Variants in ADAMTS13 observed in about 807,000 individuals in gnomAD.
The protein encoded by ADAMTS13 is A disintegrin and metalloproteinase with thrombospondin motifs 13.
In ADAMTS13, 110 loss-of-function variants were observed where a neutral mutation model predicts 155.1. The ratio of observed to expected loss-of-function variants is 0.71; its 90% CI spans 0.61 to 0.83. ADAMTS13 has a LOEUF of 0.83. Ranked by LOEUF, ADAMTS13 falls within the 40% of genes least tolerant of loss-of-function variation. ADAMTS13 has a pLI of 0.00. For missense variants in ADAMTS13, 1,707 were observed against 1,891.7 expected (o/e 0.90, Z 1.81); for synonymous variants, 758 against 756.4 (o/e 1.00, Z -0.03).
At position 133,440,571 on chromosome 9, in the gene ADAMTS13, G is replaced by A. The variant is rs190583647; in HGVS notation, c.1968+46G>A. 35 of 1,525,228 alleles carry A rather than the reference G, an allele frequency of 2.3e-5. No homozygotes were observed. Among genetic ancestry groups the A allele is most frequent in the Non-Finnish European group, 3.1e-5 (35 of 1,132,688 alleles). The allele number at this position is 1,525,228 out of a possible 1,614,324, so 94.5% of individuals were successfully genotyped here. A position where few individuals can be genotyped will look rare whatever the true frequency, so the allele number is the denominator to read the frequency against. ...GAGGCCAGTGGGGGCTTCTTCTTGG[G>A]GGCTATGGCTGCTTGCTCGTTTGTC... On this transcript the variant is annotated intron_variant, in intron 16 of 28. Coordinates refer to ENST00000355699, the MANE Select transcript of ADAMTS13 (RefSeq NM_139027.6). This position sits in a 1 kb window ranked among gnomAD's most constrained non-coding sequence, Gnocchi z 4.3.
chr9:133,416,092 A>G (rs1839580738), intron 1 of ADAMTS13, among the ~76,000 whole-genome samples: 2 of 152,226 alleles, frequency 1.3e-5, no homozygotes. Context: ...TGCAGGTTGT[A>G]CAAGAAGCAT....
At chr9:133,457,875 G>A (rs942887511) in intron 27 of ADAMTS13, 35 bp from the exon 28 acceptor site, 5 of 1,613,360 alleles carry the variant, frequency 3.1e-6, no homozygotes, top group Non-Finnish European at 4.2e-6. Flanking sequence ...CCACCGGTCT[G>A]TCTGGGTTCC....
chr9:133,445,352 G>A lies in ADAMTS13; in HGVS notation c.2610+300G>A, dbSNP rs1278334936. Among the ~76,000 whole-genome samples the A allele has an allele frequency of 4.6e-5, 7 of 152,190 alleles. No homozygotes were observed. The highest frequency in any genetic ancestry group is 9.6e-5 in the African/African-American group (4 of 41,458). ...CCCGCCTGGCGTCCAGGGGCTGGAG[G>A]CTGACTGGCCTTGCTCTCTGGCCTG... is the stretch of plus-strand genomic sequence containing the variant. On this transcript the variant is annotated intron_variant, in intron 20 of 28. Transcript: ENST00000355699. The surrounding 1 kb of genome is among the most constrained non-coding windows in gnomAD (Gnocchi z 5.0).
At chr9:133,451,099 C>A (rs1279805864) in intron 23 of ADAMTS13, among the ~76,000 whole-genome samples, 2 of 152,182 alleles carry the variant, frequency 1.3e-5, no homozygotes, top group African/African-American at 4.8e-5. Context: ...ATTTACAATT[C>A]TTTAATGGTT....
chr9:133,432,560 C>A, intron 8 of ADAMTS13, 28 bp from the exon 9 acceptor site: 1 of 1,542,512 alleles, frequency 6.5e-7, no homozygotes. Flanking sequence ...GGCCCCTGAG[C>A]TCGCCACCCA....
At chr9:133,422,325 C>T, upstream of ADAMTS13, 3 of 1,005,628 alleles carry the variant, frequency 3.0e-6, no homozygotes, top group South Asian at 3.9e-5. Context: ...CAAGAGTAAA[C>T]ACTGCCTAAT....
chr9:133,442,736 C>T lies in ADAMTS13; in HGVS notation c.2227C>T (p.Pro743Ser), dbSNP rs782671915. 6.2e-7 allele frequency: 1 copy of T among 1,612,574 alleles called. No individual in the cohort carries two copies. Among genetic ancestry groups the T allele is most frequent in the South Asian group, 1.1e-5 (1 of 91,074 alleles). The change falls in exon 18 of 29, where the codon CCT becomes TCT. Residue 743 changes from proline to serine, a missense_variant. Transcript: ENST00000355699. ...WPEACVLEPC[P>S]PYWAVGDFGP... ...AGAGGCCTGCGTGCTCGAACCCTGC[C>T]CTCCCTAGTGAGTGTGGTGCTGTCT...
Position 133,442,533 on chromosome 9 carries a change from A to C in ADAMTS13, c.2103A>C (p.Ala701=). The C allele has an allele frequency of 6.2e-7, 1 of 1,613,592 alleles. No homozygotes were observed. The highest frequency in any genetic ancestry group is 1.1e-5 in the South Asian group (1 of 91,080). Reference sequence around the variant, plus strand: ...GGCCCTGCTCGGTGAGCTGTGGGGCAGGTGAGACCTGGGGAAGGCTCATCC... The same window carrying C: ...GGCCCTGCTCGGTGAGCTGTGGGGCCGGTGAGACCTGGGGAAGGCTCATCC... ...VRGPCSVSCG[A]GLRWVNYSCL... The change falls in exon 17 of 29, where the codon GCA becomes GCC. Residue 701 remains alanine, a splice_region_variant and synonymous_variant. Transcript: ENST00000355699.
upstream of ADAMTS13, chr9:133,417,981 T>C (rs1839780809): frequency 2.6e-6 from 2 of 771,796 alleles, no homozygotes; most frequent in Non-Finnish European, 4.1e-6. Flanking sequence ...AGGAAAAGAC[T>C]CCGGAAGAGA....
intron 11 of ADAMTS13, among the ~76,000 whole-genome samples, chr9:133,436,536 T>A (rs1841231231): frequency 2.0e-5 from 3 of 152,180 alleles, no homozygotes; most frequent in Admixed American, 2.0e-4. Flanking sequence ...CCCGTCCCTG[T>A]TTTATTGAGT....
At position 133,456,330 on chromosome 9, in the gene ADAMTS13, G is replaced by A. The variant is rs1842741456; in HGVS notation, c.3547+115G>A. 2 of 1,524,956 alleles carry A rather than the reference G, an allele frequency of 1.3e-6. No homozygotes were observed. The allele number at this position is 1,524,956 out of a possible 1,614,324, so 94.5% of individuals were successfully genotyped here. A position where few individuals can be genotyped will look rare whatever the true frequency, so the allele number is the denominator to read the frequency against. On this transcript the variant is annotated intron_variant, in intron 26 of 28. Transcript: ENST00000355699. The surrounding 1 kb of genome is among the most constrained non-coding windows in gnomAD (Gnocchi z 4.4). Reference sequence around the variant, plus strand: ...CCATGTGCATTCCCACCTGTAGTTTGCATCCCATCTCATGACTGGGGAGTG... The same window carrying A: ...CCATGTGCATTCCCACCTGTAGTTTACATCCCATCTCATGACTGGGGAGTG...
chr9:133,423,258 G>T, intron 2 of ADAMTS13, 91 bp downstream of exon 2: 1 of 1,288,314 alleles, frequency 7.8e-7, no homozygotes. Flanking sequence ...GGGATTTTTG[G>T]TGGATCTGGA....
rs190996915 is a variant in ADAMTS13, at chr9:133,454,744, C to T, written c.3249+125C>T. 164 of 1,258,956 alleles carry T rather than the reference C, an allele frequency of 1.3e-4. 2 individuals are homozygous for T. In the African/African-American group the frequency reaches 1.5e-3, roughly 11 times the overall value. 78.0% of individuals were successfully genotyped at this position (1,258,956 alleles called of 1,614,324 possible). ...TCCCCTGAAAGGAAGGAGAGAGCTGCGCCCGTTGGTGAGGGGGCACCTAGA... is the reference window on the plus strand; with the variant it reads ...TCCCCTGAAAGGAAGGAGAGAGCTGTGCCCGTTGGTGAGGGGGCACCTAGA... On this transcript the variant is annotated intron_variant, in intron 24 of 28. Transcript: ENST00000355699.
At chr9:133,458,155 G>A in intron 28 of ADAMTS13, 61 bp downstream of exon 28, 1 of 1,581,476 alleles carries the variant, frequency 6.3e-7, no homozygotes, top group Non-Finnish European at 8.6e-7. Flanking sequence ...GGGCGTGCAG[G>A]GCTAGGGGAC....
chr9:133,443,443 C>G lies in ADAMTS13; in HGVS notation c.2302C>G (p.Arg768Gly). The change falls in exon 19 of 29, where the codon CGC becomes GGC. Residue 768 changes from arginine (R) to glycine (G), a missense_variant. By Grantham distance (125) the Arg-to-Gly change is moderately radical. This residue lies in a region of ADAMTS13 where 961 missense variants were observed against 1,107.9 expected (regional missense o/e 0.87). Transcript: ENST00000355699. The part of the protein sequence containing the change: ...CGGGLRERPV[R>G]CVEAQGSLLK... The stretch of plus-strand genomic sequence containing the variant: ...GGGTGGCCTGCGGGAGCGGCCAGTG[C>G]GCTGCGTGGAGGCCCAGGGCAGCCT... 1.3e-6 allele frequency: 2 copies of G among 1,594,058 alleles called. No individual in the cohort carries two copies. Among genetic ancestry groups the G allele is most frequent in the South Asian group, 2.3e-5 (2 of 88,824 alleles).
chr9:133,426,093 G>A (rs587654389), intron 5 of ADAMTS13, 31 bp downstream of exon 5: 28 of 1,613,910 alleles, frequency 1.7e-5, no homozygotes, highest in Middle Eastern at 3.3e-4. Context: ...GTGCTGGCCA[G>A]CCAGCCTGGG....
At chr9:133,455,711 C>T in intron 25 of ADAMTS13, 1 of 1,430,902 alleles carries the variant, frequency 7.0e-7, no homozygotes, top group Non-Finnish European at 9.7e-7. Context: ...GGGTTGTGTG[C>T]CTGGGAGGCC....
chr9:133,435,502 T>A (rs1253826819), intron 11 of ADAMTS13, among the ~76,000 whole-genome samples: 1 of 151,072 alleles, frequency 6.6e-6, no homozygotes, highest in East Asian at 2.0e-4. Flanking sequence ...GTTTGACTTT[T>A]TTTTTTTCTT....
In ADAMTS13 at chr9:133,458,972, A is replaced by T; in HGVS notation, c.3910-2A>T. 6.2e-7 allele frequency: 1 copy of T among 1,612,778 alleles called. No homozygotes were observed. The highest frequency in any genetic ancestry group is 1.1e-5 in the South Asian group (1 of 90,990). ...CCTTCTGGGCTGCCCCTTTTCTCTC[A>T]GATCCGGGACACCCACAGCTTGAGG... On this transcript the variant is annotated splice_acceptor_variant, in intron 28 of 28. Transcript: ENST00000355699. LOFTEE classifies it high-confidence loss of function.
Sources: gnomAD v4.1 joint callset for allele counts (sites outside exome capture counted in the v4.1 genomes callset) on GRCh38, gnomAD v4.1.1 for gene constraint, gnomAD v4.1.1 regional missense constraint, Gnocchi (gnomAD v3.1) non-coding constraint, MANE v1.5 for transcripts, NCBI Gene and HGNC (gene_info 2026-07-23, HGNC 2026-07-21) for gene names.